OSBP2: variants seen among roughly 807,000 people sequenced by gnomAD.
OSBP2 encodes oxysterol binding protein 2, also known as oxysterol-binding protein 2.
OSBP2 carries 66 observed loss-of-function variants against 96.0 expected under a neutral mutation model. The ratio of observed to expected loss-of-function variants is 0.69; its 90% CI spans 0.56 to 0.84. OSBP2 has a LOEUF of 0.84. Ranked by LOEUF, OSBP2 falls within the 40% of genes least tolerant of loss-of-function variation. The probability of loss-of-function intolerance (pLI) is 0.00; values close to 1 mark genes in which losing one functional copy is unlikely to be tolerated. For synonymous variants in OSBP2, 525 were observed against 520.9 expected (o/e 1.01, Z -0.11); for missense variants, 1,038 against 1,222.7 (o/e 0.85, Z 2.25).
Position 30,893,571 on chromosome 22 carries a change from G to A in OSBP2, c.2094+5G>A. ...GGCAAGCTCTGGATCGACCAGGTCA[G>A]GGGCGCCCTTGGGGAGGGGGTGCAT... On this transcript the variant is annotated splice_donor_5th_base_variant and intron_variant, in intron 10 of 13. Transcript: ENST00000332585. 6.2e-7 allele frequency: 1 copy of A among 1,614,050 alleles called. No individual in the cohort carries two copies. The highest frequency in any genetic ancestry group is 1.1e-5 in the South Asian group (1 of 91,084).
chr22:30,872,183 C>T (rs570410339), intron 3 of OSBP2: 4 of 454,526 alleles, frequency 8.8e-6, no homozygotes, highest in Non-Finnish European at 1.8e-5. Flanking sequence ...CCTACATCCA[C>T]CCTCTCAGGC....
Position 30,873,014 on chromosome 22 carries a change from A to C in OSBP2, c.1107+2332A>C, listed in dbSNP as rs2039491592. Among the ~76,000 whole-genome samples the C allele has an allele frequency of 3.3e-5, 5 of 152,106 alleles. 1 individual carries two copies. The South Asian group carries it at 1.0e-3, about 31-fold the overall frequency. On this transcript the variant is annotated intron_variant, in intron 3 of 13. Coordinates refer to ENST00000332585, the MANE Select transcript of OSBP2 (RefSeq NM_030758.4). ...TGTTGGACCAGGGCTCTGTAACTAG[A>C]ACATCCATGCTGCTCCCACCTCCAA...
At position 30,893,876 on chromosome 22, in the gene OSBP2, G is replaced by T; in HGVS notation, c.2250G>T (p.Trp750Cys). The stretch of plus-strand genomic sequence containing the variant: ...CCCATTACGTGCTGTCCGGCTCGTG[G>T]GATGAACAAATGGAGTGCTCCAAGG... ...GKAHYVLSGSWDEQMECSKVM... is the reference protein window; with the variant it reads ...GKAHYVLSGSCDEQMECSKVM... Residue 750 changes from tryptophan (W) to cysteine (C), a missense_variant, in exon 12 of 14, where the codon TGG becomes TGT. Physicochemically the swap from Trp to Cys is radical, Grantham distance 215 (BLOSUM62 -2). Coordinates refer to ENST00000332585, the MANE Select transcript of OSBP2 (RefSeq NM_030758.4). The T allele has an allele frequency of 6.3e-7, 1 of 1,583,680 alleles. No homozygotes were observed. Among genetic ancestry groups the T allele is most frequent in the Non-Finnish European group, 8.6e-7 (1 of 1,164,776 alleles).
intron 2 of OSBP2, among the ~76,000 whole-genome samples, chr22:30,763,859 G>T (rs1274339233): frequency 1.3e-5 from 2 of 152,134 alleles, no homozygotes; most frequent in Non-Finnish European, 2.9e-5. Flanking sequence ...CCCACTTGGG[G>T]TCTCTGCTCC....
At chr22:30,809,010 C>G (rs2090971243) in intron 2 of OSBP2, among the ~76,000 whole-genome samples, 1 of 152,048 alleles carries the variant, frequency 6.6e-6, no homozygotes, top group Admixed American at 6.6e-5. Context: ...GGTGAAGACA[C>G]AGACAGAGAG....
At chr22:30,886,260 TG>T (rs1254479939) in intron 3 of OSBP2, among the ~76,000 whole-genome samples, 1 of 152,072 alleles carries the variant, frequency 6.6e-6, no homozygotes, top group Non-Finnish European at 1.5e-5. Flanking sequence ...AAAAGCAAGG[TG>T]GGGAGGGGGC....
chr22:30,759,335 CA>C (rs1239558022), intron 2 of OSBP2, among the ~76,000 whole-genome samples: 1 of 152,076 alleles, frequency 6.6e-6, no homozygotes. Flanking sequence ...GACTCTGTCT[CA>C]AAAACAAAAA....
At position 30,861,456 on chromosome 22, in the gene OSBP2, G is replaced by A. The variant is rs189105172; in HGVS notation, c.854-8973G>A. ...TAGCACTCGCTGCAGCAGGAGATGAGGAGAGAGGGGCCTACGGAGAGGCCC... is the reference window on the plus strand; with the variant it reads ...TAGCACTCGCTGCAGCAGGAGATGAAGAGAGAGGGGCCTACGGAGAGGCCC... On this transcript the variant is annotated intron_variant, in intron 2 of 13. Coordinates refer to ENST00000332585, the MANE Select transcript of OSBP2 (RefSeq NM_030758.4). Among the ~76,000 whole-genome samples the A allele has an allele frequency of 4.4e-3, 665 of 152,326 alleles. 5 individuals are homozygous for A. The highest frequency in any genetic ancestry group is 5.7e-3 in the Non-Finnish European group (391 of 68,018).
chr22:30,760,210 C>T (rs1250913051), intron 2 of OSBP2, among the ~76,000 whole-genome samples: 1 of 149,278 alleles, frequency 6.7e-6, no homozygotes, highest in Non-Finnish European at 1.5e-5. Context: ...GTTGCCCAGG[C>T]TGGTCTCAAA....
At chr22:30,816,614 C>T (rs1254412280) in intron 2 of OSBP2, among the ~76,000 whole-genome samples, 2 of 152,222 alleles carry the variant, frequency 1.3e-5, no homozygotes, top group African/African-American at 2.4e-5. Flanking sequence ...CCCAGAGAGG[C>T]GGCCTCTGTC....
At chr22:30,808,736 C>T (rs1448837082) in intron 2 of OSBP2, among the ~76,000 whole-genome samples, 1 of 152,076 alleles carries the variant, frequency 6.6e-6, no homozygotes, top group Non-Finnish European at 1.5e-5. Context: ...GGGCCGATCA[C>T]GAGGTCAGGA....
intron 1 of OSBP2, among the ~76,000 whole-genome samples, chr22:30,718,101 G>A (rs553867048): frequency 3.2e-4 from 49 of 152,208 alleles, no homozygotes; most frequent in South Asian, 1.2e-3. Flanking sequence ...GAGGGTAATC[G>A]AGAGTCACAG....
At chr22:30,816,567 C>T (rs570060904) in intron 2 of OSBP2, among the ~76,000 whole-genome samples, 28 of 152,334 alleles carry the variant, frequency 1.8e-4, no homozygotes, top group Non-Finnish European at 2.5e-4. Context: ...AGTGCAACCC[C>T]GTGCTGGCTC....
At chr22:30,888,163 A>T in intron 4 of OSBP2, 60 bp from the exon 5 acceptor site, 1 of 1,129,434 alleles carries the variant, frequency 8.9e-7, no homozygotes, top group Non-Finnish European at 1.3e-6. Context: ...CTCTGGACTT[A>T]GGGAGGCGAG....
chr22:30,893,089 G>A, intron 8 of OSBP2, 33 bp from the exon 9 acceptor site: 1 of 1,609,752 alleles, frequency 6.2e-7, no homozygotes, highest in Non-Finnish European at 8.5e-7. Context: ...CTCATGTCTG[G>A]CAGATGCTCA....
intron 12 of OSBP2, among the ~76,000 whole-genome samples, chr22:30,896,073 G>A (rs2040061471): frequency 6.6e-6 from 1 of 151,332 alleles, no homozygotes; most frequent in South Asian, 2.1e-4. Flanking sequence ...AGGCTAGAGT[G>A]CAGTGGCATG....
In OSBP2 at chr22:30,695,262, C is replaced by T; in HGVS notation, c.353C>T (p.Pro118Leu). The change falls in exon 1 of 14, where the codon CCC (proline) becomes CTC (leucine). Residue 118 changes from proline (P) to leucine (L), a missense_variant. Coordinates refer to ENST00000332585, the MANE Select transcript of OSBP2 (RefSeq NM_030758.4). ...TCAAGCTCAGGTGTAGGGGCTGGGCCCTTCACTAAGGCCGCATCGGAGCCG... is the reference window on the plus strand; with the variant it reads ...TCAAGCTCAGGTGTAGGGGCTGGGCTCTTCACTAAGGCCGCATCGGAGCCG... ...SESSSGVGAG[P>L]FTKAASEPLS... 6.2e-7 allele frequency: 1 copy of T among 1,613,454 alleles called. No homozygotes were observed. The highest frequency in any genetic ancestry group is 8.5e-7 in the Non-Finnish European group (1 of 1,179,988).
chr22:30,726,907 G>A (rs777669488), intron 1 of OSBP2, among the ~76,000 whole-genome samples: 1 of 152,136 alleles, frequency 6.6e-6, no homozygotes, highest in Non-Finnish European at 1.5e-5. Flanking sequence ...GATGGGCAGC[G>A]GCTGACATTT....
rs1371810517 is a variant in OSBP2 at position 30,730,817 on chromosome 22, T to A, written c.645-10344T>A. On this transcript the variant is annotated intron_variant, in intron 1 of 13. Transcript: ENST00000332585. ...ATATATATATATATATAATTTTTTT[T>A]TTTTTTCCCATGGACATTTTTGGGG... Among the ~76,000 whole-genome samples, 6 of 122,306 alleles carry A rather than the reference T, an allele frequency of 4.9e-5. 1 individual carries two copies. Among genetic ancestry groups the A allele is most frequent in the Admixed American group, 8.9e-5 (1 of 11,246 alleles). 80.2% of individuals were successfully genotyped at this position (122,306 alleles called of 152,430 possible). A position where few individuals can be genotyped will look rare whatever the true frequency, so the allele number is the denominator to read the frequency against.
Sources: gnomAD v4.1 joint callset for allele counts (sites outside exome capture counted in the v4.1 genomes callset) on GRCh38, gnomAD v4.1.1 for gene constraint, MANE v1.5 for transcripts, NCBI Gene and HGNC (gene_info 2026-07-23, HGNC 2026-07-21) for gene names.